ODAD4: variants seen among roughly 807,000 people sequenced by gnomAD.
The protein encoded by ODAD4 is outer dynein arm docking complex subunit 4, also known as outer dynein arm-docking complex subunit 4.
A neutral mutation model predicts 51.8 loss-of-function variants in ODAD4; 49 were observed. The observed-to-expected ratio is 0.95, with a 90% CI of 0.75 to 1.20. The LOEUF is 1.20. Among genes scored for constraint, ODAD4 ranks in the 50% most tolerant of loss-of-function variants. The probability of loss-of-function intolerance (pLI) is 0.00; values close to 1 mark genes in which losing one functional copy is unlikely to be tolerated. For synonymous variants in ODAD4, 235 were observed against 221.3 expected, an observed-to-expected ratio of 1.06 and a Z score of -0.55; for missense variants, 590 against 586.5, an observed-to-expected ratio of 1.01 and a Z score of -0.06.
At chr17:41,962,694 C>T (rs1414774847) in intron 11 of ODAD4, among the ~76,000 whole-genome samples, 1 of 152,210 alleles carries the variant, frequency 6.6e-6, no homozygotes, top group African/African-American at 2.4e-5. Context: ...GCAGTCTGCT[C>T]TAGAACCCAC....
chr17:41,936,436 G>C (rs781803524), intron 3 of ODAD4, 37 bp from the exon 4 acceptor site: 1 of 1,524,294 alleles, frequency 6.6e-7, no homozygotes, highest in African/African-American at 1.4e-5. Flanking sequence ...TGCCTGGGGG[G>C]TCTGGCCGAC....
chr17:41,934,377 A>G (rs1555637397), intron 1 of ODAD4, among the ~76,000 whole-genome samples: 2 of 141,476 alleles, frequency 1.4e-5, no homozygotes, highest in Non-Finnish European at 3.1e-5. Context: ...TTTGAGACAG[A>G]GTCTCATTCT....
chr17:41,948,927 C>T (rs1171154159), intron 8 of ODAD4, among the ~76,000 whole-genome samples: 5 of 152,302 alleles, frequency 3.3e-5, no homozygotes, highest in East Asian at 1.9e-4. Context: ...TGAGCCACCA[C>T]GCCAGCCTCA....
intron 7 of ODAD4, among the ~76,000 whole-genome samples, chr17:41,941,745 C>T (rs1368701223): frequency 2.2e-5 from 3 of 139,304 alleles, no homozygotes; most frequent in South Asian, 2.3e-4. Flanking sequence ...AGTGACTGGG[C>T]GACAGAGCGA....
chr17:41,931,438 C>T (rs547348959), intron 1 of ODAD4, among the ~76,000 whole-genome samples: 1 of 152,180 alleles, frequency 6.6e-6, no homozygotes, highest in Non-Finnish European at 1.5e-5. Context: ...GCAGCCTTAC[C>T]TTCCCATCAT....
intron 5 of ODAD4, among the ~76,000 whole-genome samples, chr17:41,937,622 A>G (rs2050446352): frequency 6.6e-6 from 1 of 152,124 alleles, no homozygotes; most frequent in South Asian, 2.1e-4. Context: ...AGGCGCCCAC[A>G]ACCACATCCG....
At chr17:41,952,946 A>G (rs1291380213) in intron 9 of ODAD4, among the ~76,000 whole-genome samples, 1 of 151,640 alleles carries the variant, frequency 6.6e-6, no homozygotes, top group Non-Finnish European at 1.5e-5. Flanking sequence ...TATGTTGTCC[A>G]GGTTGTTCTG....
chr17:41,938,720 C>T lies in ODAD4; in HGVS notation c.789C>T (p.His263=). 6.2e-7 allele frequency: 1 copy of T among 1,613,870 alleles called. No homozygotes were observed. Among genetic ancestry groups the T allele is most frequent in the Non-Finnish European group, 8.5e-7 (1 of 1,179,902 alleles). Residue 263 remains histidine, a synonymous_variant, in exon 6 of 12, where the codon CAC becomes CAT. Transcript: ENST00000377540. ...TGCAAGAGAAATGGCTGCGGGACCA[C>T]AAACGCCGTCCCTCACAGACAGCCC... ...KLMQEKWLRD[H]KRRPSQTAHY...
At chr17:41,931,888 T>C (rs2050346190) in intron 1 of ODAD4, among the ~76,000 whole-genome samples, 1 of 148,134 alleles carries the variant, frequency 6.8e-6, no homozygotes, top group African/African-American at 2.5e-5. Flanking sequence ...CATCCCACCC[T>C]AAGGGGATTG....
intron 10 of ODAD4, among the ~76,000 whole-genome samples, chr17:41,956,140 C>T (rs1453165538): frequency 3.3e-5 from 5 of 151,286 alleles, no homozygotes; most frequent in South Asian, 4.2e-4. Flanking sequence ...CTCCGCCTCC[C>T]GGGTTCAAAC....
intron 11 of ODAD4, among the ~76,000 whole-genome samples, chr17:41,964,340 C>A (rs534470122): frequency 2.0e-5 from 3 of 152,166 alleles, no homozygotes; most frequent in Non-Finnish European, 4.4e-5. Context: ...GGATTACAGG[C>A]GTGAGCCATG....
chr17:41,960,656 A>G (rs149653563), intron 10 of ODAD4, among the ~76,000 whole-genome samples: 4 of 152,288 alleles, frequency 2.6e-5, no homozygotes, highest in African/African-American at 9.6e-5. Flanking sequence ...TGTGACCCTC[A>G]CTGACTCCTC....
At chr17:41,960,427 G>A (rs562991146) in intron 10 of ODAD4, among the ~76,000 whole-genome samples, 1 of 151,246 alleles carries the variant, frequency 6.6e-6, no homozygotes, top group South Asian at 2.1e-4. Context: ...CAGCATGCAT[G>A]ATAGAGCGAG....
rs781959995 is a variant in ODAD4 at position 41,955,298 on chromosome 17, C to T, written c.1424C>T (p.Ala475Val). Residue 475 changes from alanine to valine, a missense_variant, in exon 10 of 12, where the codon GCG (alanine) becomes GTG (valine). By Grantham distance (64) the Ala-to-Val change is moderately conservative. Around this residue, in one of 3 missense-constraint regions of ODAD4, gnomAD observed 226 missense variants for 162.7 expected, o/e 1.39. Transcript: ENST00000377540. Reference sequence around the variant, plus strand: ...GCAAAGCTTGTGCATAACAACGAGGCGCAGCAGGCCATCATCAGTGTGAGC... The same window carrying T: ...GCAAAGCTTGTGCATAACAACGAGGTGCAGCAGGCCATCATCAGTGTGAGC... ...ERAKLVHNNE[A>V]QQAIISALDD... 3.0e-5 allele frequency: 23 copies of T among 778,920 alleles called. No individual in the cohort carries two copies. Among genetic ancestry groups the T allele is most frequent in the Middle Eastern group, 2.3e-4 (1 of 4,398 alleles). The allele number at this position is 778,920 out of a possible 1,614,324, so 48.3% of individuals were successfully genotyped here.
intron 7 of ODAD4, among the ~76,000 whole-genome samples, chr17:41,943,433 C>T (rs1215852113): frequency 3.3e-5 from 5 of 152,016 alleles, no homozygotes; most frequent in Non-Finnish European, 7.4e-5. Flanking sequence ...GGGCTGAGTC[C>T]GAAAAGAGAG....
chr17:41,957,533 G>A (rs1261709699), intron 10 of ODAD4, among the ~76,000 whole-genome samples: 1 of 152,152 alleles, frequency 6.6e-6, no homozygotes, highest in African/African-American at 2.4e-5. Context: ...ATTGACGTTA[G>A]GACTTGCAGT....
intron 9 of ODAD4, among the ~76,000 whole-genome samples, chr17:41,954,799 G>A (rs1210244052): frequency 2.0e-5 from 3 of 149,898 alleles, no homozygotes; most frequent in African/African-American, 7.4e-5. Flanking sequence ...GCAGTGAGCC[G>A]AGATTGCCCC....
At chr17:41,931,714 G>A (rs1365056311) in intron 1 of ODAD4, among the ~76,000 whole-genome samples, 1 of 151,658 alleles carries the variant, frequency 6.6e-6, no homozygotes, top group African/African-American at 2.4e-5. Flanking sequence ...GCTAATTTTT[G>A]TATTCTTAGT....
At chr17:41,944,444 A>ACCCCCCCC (rs10578034) in intron 7 of ODAD4, among the ~76,000 whole-genome samples, 1 of 19,570 alleles carries the variant, frequency 5.1e-5, no homozygotes. Flanking sequence ...ACACACACAC[A>ACCCCCCCC]CCCCCCCGCA....
Sources: allele counts gnomAD v4.1 joint callset (sites outside exome capture counted in the v4.1 genomes callset), GRCh38; gene constraint gnomAD v4.1.1; regional missense constraint gnomAD v4.1.1; transcripts MANE v1.5; gene names NCBI Gene and HGNC (gene_info 2026-07-23, HGNC 2026-07-21).